Variants in RPL11 observed in about 807,000 individuals in gnomAD.
RPL11 encodes the protein ribosomal protein L11.
A neutral mutation model predicts 24.1 loss-of-function variants in RPL11; 3 were observed. That is an observed-to-expected ratio of 0.12 (90% confidence interval 0.06 to 0.32). The LOEUF (loss-of-function observed/expected upper bound fraction) is 0.32. Among genes scored for constraint, RPL11 ranks in the 10% least tolerant of loss-of-function variants. The pLI is 1.00. For missense variants in RPL11, 146 were observed against 225.7 expected, an observed-to-expected ratio of 0.65 and a Z score of 2.26; for synonymous variants, 96 against 75.7, an observed-to-expected ratio of 1.27 and a Z score of -1.39.
At chr1:23,693,749 G>A (rs1005935986) in intron 2 of RPL11, 58 bp from the exon 3 acceptor site, 4 of 1,120,964 alleles carry the variant, frequency 3.6e-6, no homozygotes, top group African/African-American at 1.5e-5. Context: ...TTCTGGGAAA[G>A]AGGTGAGTGT....
chr1:23,694,891 T>C, intron 4 of RPL11, 100 bp downstream of exon 4: 2 of 1,568,684 alleles, frequency 1.3e-6, no homozygotes, highest in South Asian at 2.2e-5. Context: ...GTTGCAGCTT[T>C]GAATATTGTC....
chr1:23,692,054 A>C (rs1644503301), intron 1 of RPL11: 3 of 630,974 alleles, frequency 4.8e-6, no homozygotes, highest in Non-Finnish European at 8.3e-6. Flanking sequence ...GAGTGCTCAG[A>C]AGCACGGTCA....
In RPL11 at chr1:23,696,381, T is replaced by G. The variant is rs753429541; in HGVS notation, c.*8T>G. The G allele has an allele frequency of 6.2e-7, 1 of 1,613,584 alleles. No homozygotes were observed. The highest frequency in any genetic ancestry group is 8.5e-7 in the Non-Finnish European group (1 of 1,179,494). ...ATCCTTCCTGGCAAATAAATTCCCGTTTCTATCCAAAAGAGCAATAAAAAG... is the reference window on the plus strand; with the variant it reads ...ATCCTTCCTGGCAAATAAATTCCCGGTTCTATCCAAAAGAGCAATAAAAAG... On this transcript the variant is annotated 3_prime_UTR_variant, in exon 6 of 6. Coordinates refer to ENST00000643754, the MANE Select transcript of RPL11 (RefSeq NM_000975.5).
chr1:23,692,480 C>T (rs901956436), intron 1 of RPL11, 129 bp from the exon 2 acceptor site: 2 of 1,220,652 alleles, frequency 1.6e-6, no homozygotes, highest in African/African-American at 1.5e-5. Context: ...AACATTATAC[C>T]TTTTAAACAT....
intron 2 of RPL11, 141 bp downstream of exon 2, chr1:23,692,900 CTTTT>C (rs549467222): frequency 3.1e-4 from 202 of 644,148 alleles, no homozygotes; most frequent in South Asian, 5.3e-4. Context: ...CAAGAGGTGT[CTTTT>C]TTTTTTTTTT....
chr1:23,694,213 T>TA (rs564630600), intron 3 of RPL11, among the ~76,000 whole-genome samples: 6 of 151,988 alleles, frequency 3.9e-5, no homozygotes, highest in South Asian at 4.2e-4. Flanking sequence ...CCATCTCTAC[T>TA]AAAAAAAGAT....
intron 2 of RPL11, among the ~76,000 whole-genome samples, chr1:23,692,981 G>A (rs1412154368): frequency 6.6e-6 from 1 of 151,494 alleles, no homozygotes; most frequent in Non-Finnish European, 1.5e-5. Flanking sequence ...GCTAAGACTA[G>A]CCCAAGTAAA....
rs1644532638 is a variant in RPL11 at position 23,696,337 on chromosome 1, C to T, written c.508-7C>T. The T allele has an allele frequency of 6.2e-7, 1 of 1,613,930 alleles. No homozygotes were observed. Reference sequence around the variant, plus strand: ...GTTCTGAAAAAATTAAATCTCTTCTCTTTCAGTATGATGGGATCATCCTTC... The same window carrying T: ...GTTCTGAAAAAATTAAATCTCTTCTTTTTCAGTATGATGGGATCATCCTTC... On this transcript the variant is annotated splice_polypyrimidine_tract_variant and splice_region_variant and intron_variant, in intron 5 of 5. Coordinates refer to ENST00000643754, the MANE Select transcript of RPL11 (RefSeq NM_000975.5).
At position 23,692,365 on chromosome 1, in the gene RPL11, C is replaced by G. The variant is rs1644505914; in HGVS notation, c.7-244C>G. 5.9e-6 allele frequency: 3 copies of G among 510,802 alleles called. 1 individual carries two copies. Among genetic ancestry groups the G allele is most frequent in the South Asian group, 4.2e-5 (2 of 47,214 alleles). 31.6% of individuals were successfully genotyped at this position (510,802 alleles called of 1,614,324 possible). A position where few individuals can be genotyped will look rare whatever the true frequency, so the allele number is the denominator to read the frequency against. On this transcript the variant is annotated intron_variant, in intron 1 of 5. Transcript: ENST00000643754. ...GCCTCTTAGGGTTCGATCTCAGTGT[C>G]CGTATCTTTTAACACTCAATAACTG...
At chr1:23,693,954 C>A (rs548317838) in intron 3 of RPL11, 41 bp downstream of exon 3, 1 of 1,339,668 alleles carries the variant, frequency 7.5e-7, no homozygotes, top group Non-Finnish European at 1.1e-6. Flanking sequence ...GATCAGCACT[C>A]CTTTAGTAAC....
intron 1 of RPL11, 73 bp from the exon 2 acceptor site, chr1:23,692,536 G>T (rs1644507305): frequency 6.3e-7 from 1 of 1,580,324 alleles, no homozygotes; most frequent in Non-Finnish European, 8.7e-7. Flanking sequence ...TAAAAATGCT[G>T]TGCAGATAGA....
At chr1:23,695,986 T>A in intron 5 of RPL11, 78 bp downstream of exon 5, 1 of 1,335,256 alleles carries the variant, frequency 7.5e-7, no homozygotes, top group South Asian at 1.3e-5. Context: ...ATGCAAAATA[T>A]AGTACTATTT....
chr1:23,696,057 G>C, intron 5 of RPL11, 149 bp downstream of exon 5: 1 of 849,986 alleles, frequency 1.2e-6, no homozygotes, highest in Non-Finnish European at 2.0e-6. Flanking sequence ...GGCTTCCAGG[G>C]ATGATGGTTT....
In RPL11 at chr1:23,693,707, G is replaced by A. The variant is rs189876507; in HGVS notation, c.158-100G>A. On this transcript the variant is annotated intron_variant, in intron 2 of 5. Coordinates refer to ENST00000643754, the MANE Select transcript of RPL11 (RefSeq NM_000975.5). ...ACAACTTAAAAGAGTGTGGATGAAT[G>A]CTTAATGTCTCTTTAAGTCATGGAG... is the stretch of plus-strand genomic sequence containing the variant. 466 of 798,188 alleles carry A rather than the reference G, an allele frequency of 5.8e-4. 3 individuals carry two copies. The Middle Eastern group carries it at 0.012, about 21-fold the overall frequency. The allele number at this position is 798,188 out of a possible 1,614,324, so 49.4% of individuals were successfully genotyped here.
intron 1 of RPL11, 90 bp downstream of exon 1, chr1:23,691,919 A>C (rs1644502099): frequency 6.4e-7 from 1 of 1,551,542 alleles, no homozygotes; most frequent in Non-Finnish European, 8.9e-7. Context: ...CCGCAGCCCG[A>C]GGAATATGGA....
At chr1:23,693,592 C>T (rs1570567361) in intron 2 of RPL11, among the ~76,000 whole-genome samples, 1 of 152,258 alleles carries the variant, frequency 6.6e-6, no homozygotes, top group Admixed American at 6.5e-5. Context: ...TTCTTAACTG[C>T]TGAAGGATGG....
chr1:23,696,271 T>G, intron 5 of RPL11, 73 bp from the exon 6 acceptor site: 1 of 1,414,968 alleles, frequency 7.1e-7, no homozygotes, highest in Non-Finnish European at 1.0e-6. Context: ...ATGTGAATTC[T>G]CAAAAGTTAG....
chr1:23,696,216 C>A, intron 5 of RPL11, 128 bp from the exon 6 acceptor site: 1 of 914,204 alleles, frequency 1.1e-6, no homozygotes, highest in South Asian at 1.4e-5. Context: ...CCTATTTAGT[C>A]CAGAAAAGGA....
chr1:23,694,247 G>A (rs533571059), intron 3 of RPL11, among the ~76,000 whole-genome samples: 6 of 152,040 alleles, frequency 3.9e-5, no homozygotes, highest in East Asian at 3.9e-4. Flanking sequence ...GCTTGGTGGC[G>A]GGCTCCTGTA....
Sources: allele counts gnomAD v4.1 joint callset (sites outside exome capture counted in the v4.1 genomes callset), GRCh38; gene constraint gnomAD v4.1.1; transcripts MANE v1.5; gene names NCBI Gene and HGNC (gene_info 2026-07-23, HGNC 2026-07-21).